Variants in APBA2 observed in about 807,000 individuals in gnomAD.
APBA2 encodes the protein amyloid-beta A4 precursor protein-binding family A member 2.
APBA2 carries 30 observed loss-of-function variants against 75.0 expected under a neutral mutation model. The ratio of observed to expected loss-of-function variants is 0.40; its 90% CI spans 0.30 to 0.54. The LOEUF (loss-of-function observed/expected upper bound fraction) is 0.54. Among genes scored for constraint, APBA2 ranks in the 20% least tolerant of loss-of-function variants. The pLI, the probability that APBA2 is intolerant of heterozygous loss-of-function variation, is 0.49. For missense variants in APBA2, 801 were observed against 1,016.1 expected (o/e 0.79, Z 2.88); for synonymous variants, 444 against 409.6 (o/e 1.08, Z -1.01).
At chr15:29,030,318 C>G (rs550240423) in intron 3 of APBA2, among the ~76,000 whole-genome samples, 1 of 151,958 alleles carries the variant, frequency 6.6e-6, no homozygotes, top group East Asian at 1.9e-4. Context: ...AAAAATTAGC[C>G]GGGCGTGATG....
At chr15:28,945,178 T>G (rs2035473617) in intron 2 of APBA2, among the ~76,000 whole-genome samples, 1 of 152,172 alleles carries the variant, frequency 6.6e-6, no homozygotes, top group South Asian at 2.1e-4. Flanking sequence ...AGGTTTCTGT[T>G]TGGCGCGGGG....
At chr15:29,116,626 T>A (rs539666038) in intron 14 of APBA2, among the ~76,000 whole-genome samples, 1 of 131,376 alleles carries the variant, frequency 7.6e-6, no homozygotes, top group Non-Finnish European at 1.6e-5. Context: ...AGACTCCGTC[T>A]CAAAAAAAAA....
intron 3 of APBA2, among the ~76,000 whole-genome samples, chr15:28,996,016 G>A (rs74724785): frequency 3.0e-4 from 46 of 152,160 alleles, no homozygotes; most frequent in Non-Finnish European, 5.3e-4. Context: ...CACTGGGGAC[G>A]CTTCTGGCAC....
intron 6 of APBA2, among the ~76,000 whole-genome samples, chr15:29,078,340 C>CGGT (rs1319606183): frequency 1.5e-5 from 2 of 136,516 alleles, no homozygotes; most frequent in East Asian, 4.6e-4. Flanking sequence ...TGGCCAGGCA[C>CGGT]GGTGGCTCAT....
chr15:29,031,450 G>GGGTCTCT (rs1227061623), intron 3 of APBA2, among the ~76,000 whole-genome samples: 1 of 152,086 alleles, frequency 6.6e-6, no homozygotes, highest in African/African-American at 2.4e-5. Flanking sequence ...TGTGCCCCTG[G>GGGTCTCT]GGTCTCTCTG....
chr15:29,071,923 C>G (rs2042639769), intron 4 of APBA2, among the ~76,000 whole-genome samples: 1 of 151,932 alleles, frequency 6.6e-6, no homozygotes, highest in Non-Finnish European at 1.5e-5. Flanking sequence ...CTGGGGAGTC[C>G]CATGGGTAGG....
At chr15:28,912,870 A>G (rs1566792524) in intron 1 of APBA2, among the ~76,000 whole-genome samples, 1 of 152,258 alleles carries the variant, frequency 6.6e-6, no homozygotes, top group Non-Finnish European at 1.5e-5. Flanking sequence ...TTAAATGTTT[A>G]TAAGGAAAAG....
intron 13 of APBA2, among the ~76,000 whole-genome samples, chr15:29,111,432 A>G (rs2044723853): frequency 1.3e-5 from 2 of 152,102 alleles, no homozygotes; most frequent in South Asian, 2.1e-4. Context: ...GGCTTTCTCC[A>G]GGATACAGGA....
chr15:29,118,051 C>T lies in APBA2; in HGVS notation c.*918C>T, dbSNP rs1376563517. ...CCCTTGGCCAGCGTGGCGCAGTGGC[C>T]CTGAGCAGTAGTGGCATGTGTGTAG... On this transcript the variant is annotated 3_prime_UTR_variant, in exon 15 of 15. Coordinates refer to ENST00000683413, the MANE Select transcript of APBA2 (RefSeq NM_001353788.2). The T allele has an allele frequency of 1.3e-5, 2 of 152,556 alleles. No homozygotes were observed. The highest frequency in any genetic ancestry group is 2.9e-5 in the Non-Finnish European group (2 of 68,066). The allele number at this position is 152,556 out of a possible 1,614,324, so 9.5% of individuals were successfully genotyped here.
chr15:29,011,637 G>C (rs1245441403), intron 3 of APBA2, among the ~76,000 whole-genome samples: 2 of 152,110 alleles, frequency 1.3e-5, no homozygotes, highest in African/African-American at 4.8e-5. Context: ...GGAAAAATGG[G>C]TAATTGTGGT....
In APBA2 at chr15:28,892,487, A is replaced by T. The variant is rs147336089; in HGVS notation, c.-205+6209A>T. ...GTGGTAACATGCTGCCCAGGTGTGT[A>T]GCCTGGGAGCAATGGCCTGTAACCT... On this transcript the variant is annotated intron_variant, in intron 1 of 14. Coordinates refer to ENST00000683413, the MANE Select transcript of APBA2 (RefSeq NM_001353788.2). Among the ~76,000 whole-genome samples the T allele has an allele frequency of 4.3e-4, 66 of 152,304 alleles. No individual in the cohort carries two copies. In the East Asian group the frequency reaches 0.013, roughly 29 times the overall value.
chr15:28,886,888 A>G (rs540093991), intron 1 of APBA2, among the ~76,000 whole-genome samples: 8 of 152,300 alleles, frequency 5.3e-5, no homozygotes, highest in African/African-American at 1.9e-4. Context: ...CCCCTTCCCC[A>G]TGGCAGGCAC....
intron 6 of APBA2, among the ~76,000 whole-genome samples, chr15:29,090,742 C>G (rs1167100114): frequency 2.0e-5 from 3 of 152,168 alleles, no homozygotes; most frequent in Non-Finnish European, 4.4e-5. Context: ...TTGGGCCCCA[C>G]TGGGTGACTG....
At chr15:29,089,581 G>C (rs2043456342) in intron 6 of APBA2, among the ~76,000 whole-genome samples, 1 of 152,130 alleles carries the variant, frequency 6.6e-6, no homozygotes. Flanking sequence ...CACCACCCAT[G>C]TTCAGGATAA....
At chr15:28,943,054 T>G (rs1040539487) in intron 2 of APBA2, among the ~76,000 whole-genome samples, 2 of 152,210 alleles carry the variant, frequency 1.3e-5, no homozygotes, top group African/African-American at 4.8e-5. Context: ...CAGGAATTTA[T>G]AAATCCCCCT....
chr15:29,033,243 C>G (rs1237582500), intron 3 of APBA2, among the ~76,000 whole-genome samples: 3 of 152,232 alleles, frequency 2.0e-5, no homozygotes, highest in Non-Finnish European at 4.4e-5. Flanking sequence ...GCCCAGCCCT[C>G]TCCTCTTTGA....
chr15:29,023,577 T>G (rs1304538122), intron 3 of APBA2, among the ~76,000 whole-genome samples: 7 of 144,176 alleles, frequency 4.9e-5, no homozygotes, highest in African/African-American at 1.8e-4. Flanking sequence ...TGCCTCAGCC[T>G]CCCGAGTAAC....
chr15:29,016,101 A>C (rs1270099367), intron 3 of APBA2, among the ~76,000 whole-genome samples: 2 of 152,176 alleles, frequency 1.3e-5, no homozygotes, highest in Non-Finnish European at 2.9e-5. Flanking sequence ...TACTACAAAC[A>C]CAAAAATTAG....
At chr15:28,943,715 C>T (rs143504560) in intron 2 of APBA2, among the ~76,000 whole-genome samples, 52 of 152,308 alleles carry the variant, frequency 3.4e-4, no homozygotes, top group African/African-American at 1.2e-3. Flanking sequence ...CTCCCCAGGA[C>T]GCTCATCGAT....
Sources: gnomAD v4.1 joint callset for allele counts (sites outside exome capture counted in the v4.1 genomes callset) on GRCh38, gnomAD v4.1.1 for gene constraint, MANE v1.5 for transcripts, NCBI Gene and HGNC (gene_info 2026-07-23, HGNC 2026-07-21) for gene names.